SLC2A9: variants seen among roughly 807,000 people sequenced by gnomAD.
The protein encoded by SLC2A9 is solute carrier family 2, facilitated glucose transporter member 9.
Under a neutral mutation model 50.6 loss-of-function variants are expected in SLC2A9, and 39 were observed. That is an observed-to-expected ratio of 0.77 (90% CI 0.60 to 1.01). SLC2A9 has a LOEUF of 1.01. Ranked by LOEUF, SLC2A9 falls within the 50% of genes least tolerant of loss-of-function variation. The probability of loss-of-function intolerance (pLI) is 0.00; values close to 1 mark genes in which losing one functional copy is unlikely to be tolerated. For synonymous variants in SLC2A9, 324 were observed against 276.9 expected (o/e 1.17, Z -1.69); for missense variants, 686 against 677.6 (o/e 1.01, Z -0.14).
At position 9,847,339 on chromosome 4, in the gene SLC2A9, A is replaced by G. The variant is rs553446841; in HGVS notation, c.1292-12331T>C. ...AAGGCGGAGATGTCATACACTTTTA[A>G]ACCATCAGATCTCATGAGAACTCAC... On this transcript the variant is annotated intron_variant, in intron 10 of 11. Transcript: ENST00000264784. 1.3e-4 allele frequency among the ~76,000 whole-genome samples: 20 copies of G among 152,320 alleles called. No individual in the cohort carries two copies. In the South Asian group the frequency reaches 4.1e-3, roughly 32 times the overall value.
chr4:9,948,134 T>C (rs187530758), intron 5 of SLC2A9, among the ~76,000 whole-genome samples: 2 of 151,618 alleles, frequency 1.3e-5, no homozygotes, highest in East Asian at 3.9e-4. Flanking sequence ...CCCCACCCCT[T>C]ACCTTCCATG....
At chr4:9,799,699 C>CT (rs1560128468) in intron 3 of SLC2A9, among the ~76,000 whole-genome samples, 1 of 76,670 alleles carries the variant, frequency 1.3e-5, no homozygotes, top group Non-Finnish European at 3.2e-5. Context: ...TGTACCCCCC[C>CT]CCCACCCAAC....
At chr4:9,833,738 T>C (rs1002528259) in intron 11 of SLC2A9, among the ~76,000 whole-genome samples, 1 of 152,034 alleles carries the variant, frequency 6.6e-6, no homozygotes, top group Non-Finnish European at 1.5e-5. Context: ...TAGAACTGAG[T>C]GTCCAGAATA....
rs569604423 is a variant in SLC2A9, at chr4:9,832,184, C to T, written c.1419+2697G>A. Among the ~76,000 whole-genome samples, 78 of 152,262 alleles carry T rather than the reference C, an allele frequency of 5.1e-4. 1 individual carries two copies. Among genetic ancestry groups the T allele is most frequent in the South Asian group, 2.7e-3 (13 of 4,824 alleles). ...AGGGAGGTAGGTCAGAAATGGTTCA[C>T]GTATGGCATCTAGAACACATACACG... On this transcript the variant is annotated intron_variant, in intron 11 of 11. Transcript: ENST00000264784.
At chr4:9,901,028 G>T (rs1739511361) in intron 8 of SLC2A9, among the ~76,000 whole-genome samples, 1 of 152,210 alleles carries the variant, frequency 6.6e-6, no homozygotes, top group Non-Finnish European at 1.5e-5. Flanking sequence ...CCTGCTTCCT[G>T]CTCAGGCAAT....
At chr4:9,811,716 T>G (rs888389762) in intron 3 of SLC2A9, among the ~76,000 whole-genome samples, 2 of 152,190 alleles carry the variant, frequency 1.3e-5, no homozygotes, top group African/African-American at 4.8e-5. Flanking sequence ...AAGAAAAGGT[T>G]GTTTTTTCAA....
At chr4:9,898,707 G>T (rs1470209013) in intron 8 of SLC2A9, among the ~76,000 whole-genome samples, 1 of 152,168 alleles carries the variant, frequency 6.6e-6, no homozygotes, top group Non-Finnish European at 1.5e-5. Flanking sequence ...ATGCTTCTGG[G>T]TCTGTGGGCC....
At chr4:9,825,174 G>A (rs185506460), downstream of SLC2A9, among the ~76,000 whole-genome samples, 51 of 152,270 alleles carry the variant, frequency 3.3e-4, no homozygotes, top group African/African-American at 9.1e-4. Context: ...TTTAGGACAC[G>A]TTTTTTCATT....
chr4:9,826,504 TTCTGTTTTTGG>T lies in SLC2A9; in HGVS notation c.1505_1515del (p.Thr502AsnfsTer28). On this transcript the variant is annotated frameshift_variant, in exon 12 of 12. Transcript: ENST00000264784. LOFTEE classifies it low-confidence loss of function (END_TRUNC). Reference sequence around the variant, plus strand: ...AATGCCTGGCTGATTTCTGCATAGGTTCTGTTTTTGGTCTCAGGCAGCACAAAATACAGGTA... The same window carrying T: ...AATGCCTGGCTGATTTCTGCATAGGTTCTCAGGCAGCACAAAATACAGGTA... 1 of 1,614,112 alleles carries T rather than the reference TTCTGTTTTTGG, an allele frequency of 6.2e-7. No homozygotes were observed.
intron 5 of SLC2A9, among the ~76,000 whole-genome samples, chr4:9,949,217 C>T (rs2108828297): frequency 6.6e-6 from 1 of 152,238 alleles, no homozygotes; most frequent in East Asian, 1.9e-4. Flanking sequence ...CCACCCATTG[C>T]CTTGTTCCTT....
chr4:9,959,864 G>A (rs959482953), intron 5 of SLC2A9, among the ~76,000 whole-genome samples: 25 of 152,204 alleles, frequency 1.6e-4, no homozygotes, highest in African/African-American at 5.5e-4. Flanking sequence ...CCTAAGAAAC[G>A]TGGATGTTCT....
At chr4:9,780,702 C>T (rs1306632046) in intron 3 of SLC2A9, among the ~76,000 whole-genome samples, 1 of 152,166 alleles carries the variant, frequency 6.6e-6, no homozygotes, top group Non-Finnish European at 1.5e-5. Flanking sequence ...CAGTAGAGGC[C>T]GAAACACTTC....
chr4:9,979,533 T>C (rs1184415766), intron 5 of SLC2A9, among the ~76,000 whole-genome samples: 1 of 152,006 alleles, frequency 6.6e-6, no homozygotes, highest in African/African-American at 2.4e-5. Flanking sequence ...GGAGGAATCC[T>C]AGCAAGTCCA....
intron 3 of SLC2A9, among the ~76,000 whole-genome samples, chr4:9,996,524 T>C (rs1758700039): frequency 1.3e-5 from 2 of 152,160 alleles, no homozygotes; most frequent in Admixed American, 1.3e-4. Flanking sequence ...TCCCTGCTCC[T>C]CCCCCATGTG....
Position 9,920,377 on chromosome 4 carries a change from G to C in SLC2A9, c.1002+8C>G. 1.2e-6 allele frequency: 2 copies of C among 1,613,956 alleles called. No homozygotes were observed. Among genetic ancestry groups the C allele is most frequent in the Non-Finnish European group, 1.7e-6 (2 of 1,179,976 alleles). On this transcript the variant is annotated splice_region_variant and intron_variant, in intron 7 of 11. Transcript: ENST00000264784. ...ATGCAAGGATGCCCACCGGGCCCCAGGACTCACTGCATTGAGGCCACAGAG... is the reference window on the plus strand; with the variant it reads ...ATGCAAGGATGCCCACCGGGCCCCACGACTCACTGCATTGAGGCCACAGAG...
At chr4:10,030,507 A>G (rs776204231) in intron 1 of SLC2A9, among the ~76,000 whole-genome samples, 3 of 152,098 alleles carry the variant, frequency 2.0e-5, no homozygotes, top group Admixed American at 1.3e-4. Context: ...TCCCTTTTAC[A>G]TTGTAATAAA....
intron 10 of SLC2A9, among the ~76,000 whole-genome samples, chr4:9,838,863 T>G (rs1332668541): frequency 6.6e-6 from 1 of 152,166 alleles, no homozygotes; most frequent in Non-Finnish European, 1.5e-5. Flanking sequence ...CAAGATGGAT[T>G]AAATACTTAA....
At chr4:9,785,406 T>C (rs1258169333) in intron 3 of SLC2A9, among the ~76,000 whole-genome samples, 1 of 152,272 alleles carries the variant, frequency 6.6e-6, no homozygotes, top group Admixed American at 6.5e-5. Context: ...TTCTGTATCA[T>C]TTCCCAATGC....
At chr4:9,783,484 C>G (rs778254921) in intron 3 of SLC2A9, 1 of 1,575,076 alleles carries the variant, frequency 6.3e-7, no homozygotes, top group Non-Finnish European at 8.6e-7. Flanking sequence ...GAAACCCCCT[C>G]ATGGATCTGC....
Sources: allele counts gnomAD v4.1 joint callset (sites outside exome capture counted in the v4.1 genomes callset), GRCh38; gene constraint gnomAD v4.1.1; transcripts MANE v1.5; gene names NCBI Gene and HGNC (gene_info 2026-07-23, HGNC 2026-07-21).